ARHGAP21: variants seen among roughly 807,000 people sequenced by gnomAD.
ARHGAP21 encodes rho GTPase-activating protein 21.
ARHGAP21 carries 38 observed loss-of-function variants against 164.6 expected under a neutral mutation model. The observed-to-expected ratio is 0.23, with a 90% CI of 0.18 to 0.30. ARHGAP21 has a LOEUF of 0.30. ARHGAP21 is among the 10% of genes least tolerant of loss of function. The pLI is 1.00. For missense variants in ARHGAP21, 1,822 were observed against 2,370.7 expected (o/e 0.77, Z 4.81); for synonymous variants, 766 against 857.9 (o/e 0.89, Z 1.87).
intron 4 of ARHGAP21, among the ~76,000 whole-genome samples, chr10:24,651,040 C>A (rs772480630): frequency 1.2e-3 from 180 of 152,032 alleles, no homozygotes; most frequent in Non-Finnish European, 1.8e-3. Context: ...TTGGGGTCCC[C>A]AAAAGAATAC....
intron 2 of ARHGAP21, chr10:24,706,722 C>T (rs1438996443): frequency 1.3e-5 from 2 of 152,440 alleles, no homozygotes; most frequent in African/African-American, 4.8e-5. Context: ...CCTGTCTAAG[C>T]AGCAATAGCT....
At chr10:24,691,892 T>C (rs1220706907) in intron 2 of ARHGAP21, among the ~76,000 whole-genome samples, 1 of 152,226 alleles carries the variant, frequency 6.6e-6, no homozygotes, top group African/African-American at 2.4e-5. Context: ...ATAAGATGTA[T>C]ATTTTACAAA....
chr10:24,707,770 T>G (rs1262691477), intron 2 of ARHGAP21, among the ~76,000 whole-genome samples: 1 of 152,082 alleles, frequency 6.6e-6, no homozygotes, highest in African/African-American at 2.4e-5. Context: ...TGAACTGTCC[T>G]TTTTCCACTC....
At chr10:24,622,357 C>A (rs1834625570) in intron 8 of ARHGAP21, among the ~76,000 whole-genome samples, 1 of 149,138 alleles carries the variant, frequency 6.7e-6, no homozygotes, top group Non-Finnish European at 1.5e-5. Context: ...CATTCGACAG[C>A]TTGCAAAGCT....
In ARHGAP21 at chr10:24,607,802, G is replaced by T; in HGVS notation, c.2524C>A (p.Pro842Thr). The part of the protein sequence containing the change: ...TSQVPSIATV[P>T]PCLTTSAPLI... Reference sequence around the variant, plus strand: ...GGAGCTGAAGTTGTGAGGCAAGGAGGAACTGTTGCTATGGAGGGGACCTGA... The same window carrying T: ...GGAGCTGAAGTTGTGAGGCAAGGAGTAACTGTTGCTATGGAGGGGACCTGA... Residue 842 changes from proline to threonine, a missense_variant, in exon 10 of 26, where the codon CCT (proline) becomes ACT (threonine). Around this residue, in one of 5 missense-constraint regions of ARHGAP21, gnomAD observed 1,090 missense variants for 1,378.9 expected, o/e 0.79. Transcript: ENST00000396432. The T allele has an allele frequency of 6.2e-7, 1 of 1,614,138 alleles. No homozygotes were observed. The highest frequency in any genetic ancestry group is 8.5e-7 in the Non-Finnish European group (1 of 1,180,016).
intron 4 of ARHGAP21, among the ~76,000 whole-genome samples, chr10:24,640,889 T>C (rs976839483): frequency 6.6e-6 from 1 of 152,088 alleles, no homozygotes; most frequent in Non-Finnish European, 1.5e-5. Context: ...TTCAGGCTAG[T>C]AATTACCTCT....
At chr10:24,629,881 G>T (rs754435097) in intron 7 of ARHGAP21, 115 bp downstream of exon 7, 10 of 780,614 alleles carry the variant, frequency 1.3e-5, no homozygotes, top group Non-Finnish European at 2.2e-5. Flanking sequence ...GGAACCAGAG[G>T]GTTTTTAAAT....
At position 24,589,280 on chromosome 10, in the gene ARHGAP21, T is replaced by G; in HGVS notation, c.4173A>C (p.Thr1391=). The G allele has an allele frequency of 6.2e-7, 1 of 1,608,716 alleles. No homozygotes were observed. Among genetic ancestry groups the G allele is most frequent in the Non-Finnish European group, 8.5e-7 (1 of 1,176,268 alleles). Residue 1391 remains threonine (T), a synonymous_variant, in exon 25 of 26, where the codon ACA becomes ACC. Coordinates refer to ENST00000396432, the MANE Select transcript of ARHGAP21 (RefSeq NM_020824.4). ...DVSDSATSDS[T]KSKGSWGSGK... ...GTATGAAACAATTTACCTTAGATTT[T>G]GTTGAGTCACTAGTAGCTGAATCTG... is the stretch of plus-strand genomic sequence containing the variant.
intron 9 of ARHGAP21, among the ~76,000 whole-genome samples, chr10:24,612,280 A>G (rs2077296654): frequency 6.6e-6 from 1 of 152,176 alleles, no homozygotes; most frequent in South Asian, 2.1e-4. Context: ...TATTAACACT[A>G]TTACTTATTT....
intron 4 of ARHGAP21, among the ~76,000 whole-genome samples, chr10:24,652,192 C>A (rs1166425810): frequency 9.5e-6 from 1 of 105,814 alleles, no homozygotes; most frequent in African/African-American, 3.6e-5. Context: ...AGTCTAGAAA[C>A]AGATCTACAC....
At chr10:24,684,750 T>C (rs1460789075) in intron 2 of ARHGAP21, among the ~76,000 whole-genome samples, 4 of 152,224 alleles carry the variant, frequency 2.6e-5, no homozygotes, top group Admixed American at 2.0e-4. Flanking sequence ...GCAATTCTCC[T>C]GCCTCAGCCT....
chr10:24,604,104 C>T (rs1261250221), intron 12 of ARHGAP21, among the ~76,000 whole-genome samples: 1 of 151,948 alleles, frequency 6.6e-6, no homozygotes, highest in East Asian at 1.9e-4. Flanking sequence ...GAAAAGCATA[C>T]AACAAAATAC....
chr10:24,638,771 C>A (rs1031048253), intron 4 of ARHGAP21, among the ~76,000 whole-genome samples: 2 of 152,154 alleles, frequency 1.3e-5, no homozygotes, highest in African/African-American at 4.8e-5. Flanking sequence ...GCAGTTAAAT[C>A]TTCCTATATT....
chr10:24,707,936 C>G (rs918732425), intron 2 of ARHGAP21, among the ~76,000 whole-genome samples: 1 of 152,208 alleles, frequency 6.6e-6, no homozygotes, highest in Non-Finnish European at 1.5e-5. Flanking sequence ...AATCATATGA[C>G]TACTCTATAA....
chr10:24,633,549 T>C (rs1202815945), intron 5 of ARHGAP21, 69 bp from the exon 6 acceptor site: 1 of 1,003,386 alleles, frequency 1.0e-6, no homozygotes, highest in Admixed American at 2.2e-5. Context: ...TTTTGAAATA[T>C]TTCTTGAATA....
chr10:24,713,966 A>G (rs1593380672), intron 2 of ARHGAP21, among the ~76,000 whole-genome samples: 1 of 152,214 alleles, frequency 6.6e-6, no homozygotes, highest in Non-Finnish European at 1.5e-5. Flanking sequence ...TTGCATTTAG[A>G]TATCTTTCTA....
chr10:24,604,203 T>C (rs1197574174), intron 12 of ARHGAP21, 109 bp downstream of exon 12: 5 of 761,974 alleles, frequency 6.6e-6, no homozygotes, highest in Non-Finnish European at 1.9e-6. Flanking sequence ...TATTACATAC[T>C]TACAGAATAA....
At chr10:24,624,235 T>C (rs1352850239) in intron 7 of ARHGAP21, among the ~76,000 whole-genome samples, 8 of 152,044 alleles carry the variant, frequency 5.3e-5, no homozygotes, top group Non-Finnish European at 1.5e-5. Flanking sequence ...AAATGTACAT[T>C]GTGAAACTCA....
At chr10:24,604,286 G>A (rs1256870050) in intron 12 of ARHGAP21, 26 bp downstream of exon 12, 1 of 1,519,132 alleles carries the variant, frequency 6.6e-7, no homozygotes, top group South Asian at 1.3e-5. Flanking sequence ...ATAAACTAAG[G>A]TAAGTAGAAA....
Sources: allele counts gnomAD v4.1 joint callset (sites outside exome capture counted in the v4.1 genomes callset), GRCh38; gene constraint gnomAD v4.1.1; regional missense constraint gnomAD v4.1.1; transcripts MANE v1.5; gene names NCBI Gene and HGNC (gene_info 2026-07-23, HGNC 2026-07-21).